TRPC4: variants seen among roughly 807,000 people sequenced by gnomAD.
TRPC4 encodes transient receptor potential cation channel subfamily C member 4, also known as short transient receptor potential channel 4.
A neutral mutation model predicts 99.4 loss-of-function variants in TRPC4; 49 were observed. The observed-to-expected ratio is 0.49, with a 90% confidence interval of 0.39 to 0.63. The LOEUF (loss-of-function observed/expected upper bound fraction) is 0.63. Ranked by LOEUF, TRPC4 falls within the 20% of genes least tolerant of loss-of-function variation. The pLI, the probability that TRPC4 is intolerant of heterozygous loss-of-function variation, is 0.00. For missense variants in TRPC4, 898 were observed against 1,152.9 expected (o/e 0.78, Z 3.20); for synonymous variants, 454 against 425.9 (o/e 1.07, Z -0.81).
At chr13:37,770,827 C>T (rs17056616) in intron 2 of TRPC4, among the ~76,000 whole-genome samples, 15,166 of 151,550 alleles carry the variant, frequency 0.1, 1,111 homozygotes, top group African/African-American at 0.21. Context: ...AAGCGTGTAT[C>T]GTATTCTGCA....
intron 3 of TRPC4, among the ~76,000 whole-genome samples, chr13:37,713,668 G>C (rs1954561971): frequency 6.6e-6 from 1 of 152,134 alleles, no homozygotes; most frequent in Non-Finnish European, 1.5e-5. Flanking sequence ...ATAGTGATCT[G>C]AACATACATA....
At chr13:37,646,750 G>T (rs1220028875) in intron 8 of TRPC4, among the ~76,000 whole-genome samples, 1 of 152,146 alleles carries the variant, frequency 6.6e-6, no homozygotes, top group Non-Finnish European at 1.5e-5. Flanking sequence ...TGATAAGAAG[G>T]GTATTTGCTG....
intron 3 of TRPC4, among the ~76,000 whole-genome samples, chr13:37,731,219 C>T (rs957771182): frequency 1.3e-5 from 2 of 151,814 alleles, no homozygotes; most frequent in Non-Finnish European, 2.9e-5. Flanking sequence ...TAATTTTATC[C>T]CCAATCTCCT....
At chr13:37,865,603 A>T (rs1159647563) in intron 1 of TRPC4, among the ~76,000 whole-genome samples, 1 of 151,756 alleles carries the variant, frequency 6.6e-6, no homozygotes, top group African/African-American at 2.4e-5. Flanking sequence ...TATCCCCATG[A>T]TGGGGACAGT....
intron 4 of TRPC4, among the ~76,000 whole-genome samples, chr13:37,680,948 C>A (rs1284320196): frequency 6.6e-6 from 1 of 152,102 alleles, no homozygotes; most frequent in Non-Finnish European, 1.5e-5. Context: ...GACAGATAAA[C>A]TTTATTATCT....
At chr13:37,858,145 A>G (rs1422099087) in intron 1 of TRPC4, among the ~76,000 whole-genome samples, 1 of 151,630 alleles carries the variant, frequency 6.6e-6, no homozygotes, top group Non-Finnish European at 1.5e-5. Context: ...ATACAAATGG[A>G]AAATAGGCAC....
chr13:37,747,950 C>A (rs1955831336), intron 2 of TRPC4, among the ~76,000 whole-genome samples: 1 of 152,108 alleles, frequency 6.6e-6, no homozygotes, highest in Admixed American at 6.5e-5. Context: ...AATCTCGTGT[C>A]AGTAAATCTG....
At chr13:37,647,553 G>C (rs959416368) in intron 8 of TRPC4, among the ~76,000 whole-genome samples, 2 of 152,206 alleles carry the variant, frequency 1.3e-5, no homozygotes, top group African/African-American at 2.4e-5. Flanking sequence ...AAAGCAGTTT[G>C]AACTGGGAAA....
intron 3 of TRPC4, among the ~76,000 whole-genome samples, chr13:37,712,448 T>C (rs924429990): frequency 6.6e-6 from 1 of 152,208 alleles, no homozygotes; most frequent in African/African-American, 2.4e-5. Context: ...GCCTAGGCAA[T>C]GATACCTAGT....
At chr13:37,718,186 G>A (rs1954744465) in intron 3 of TRPC4, among the ~76,000 whole-genome samples, 2 of 152,066 alleles carry the variant, frequency 1.3e-5, no homozygotes, top group African/African-American at 4.8e-5. Flanking sequence ...CCTGAGCCAT[G>A]CATACGTAGG....
chr13:37,704,571 G>T (rs1471635727), intron 3 of TRPC4, among the ~76,000 whole-genome samples: 1 of 152,042 alleles, frequency 6.6e-6, no homozygotes, highest in Non-Finnish European at 1.5e-5. Context: ...AGGAGGCAGA[G>T]GTTGCAGTGA....
intron 4 of TRPC4, among the ~76,000 whole-genome samples, chr13:37,682,205 G>T (rs371956310): frequency 6.6e-5 from 10 of 152,258 alleles, no homozygotes; most frequent in African/African-American, 2.2e-4. Context: ...ACCTCCAGGG[G>T]TCTCTTATTT....
intron 3 of TRPC4, among the ~76,000 whole-genome samples, chr13:37,704,591 G>A (rs1458703514): frequency 5.3e-5 from 8 of 151,968 alleles, no homozygotes; most frequent in East Asian, 1.9e-4. Flanking sequence ...AGGTGAGATC[G>A]TGCCACTGCC....
At chr13:37,678,268 T>A (rs2138791099) in intron 4 of TRPC4, among the ~76,000 whole-genome samples, 1 of 151,552 alleles carries the variant, frequency 6.6e-6, no homozygotes, top group African/African-American at 2.4e-5. Context: ...ATAACAAAGG[T>A]AACAAAAATC....
intron 3 of TRPC4, among the ~76,000 whole-genome samples, chr13:37,724,557 T>G (rs17056531): frequency 0.019 from 2,911 of 152,236 alleles, 35 homozygotes; most frequent in South Asian, 0.075. Flanking sequence ...GGAAGAAGGA[T>G]TAGCAAATAT....
chr13:37,644,830 G>C (rs542030100), intron 8 of TRPC4, among the ~76,000 whole-genome samples: 27 of 124,972 alleles, frequency 2.2e-4, no homozygotes, highest in African/African-American at 8.3e-4. Context: ...TGCAGATCGC[G>C]CCACTGCACT....
intron 2 of TRPC4, among the ~76,000 whole-genome samples, chr13:37,769,233 T>G (rs1956477580): frequency 6.6e-6 from 1 of 151,474 alleles, no homozygotes; most frequent in South Asian, 2.1e-4. Context: ...TATACATATA[T>G]TTTTGAAAGC....
intron 3 of TRPC4, among the ~76,000 whole-genome samples, chr13:37,697,823 C>A (rs930669049): frequency 2.0e-5 from 3 of 152,090 alleles, no homozygotes; most frequent in Non-Finnish European, 4.4e-5. Context: ...TGATGTCTAA[C>A]GAAATTACCT....
chr13:37,775,492 C>T (rs910156608), intron 2 of TRPC4, among the ~76,000 whole-genome samples: 2 of 151,138 alleles, frequency 1.3e-5, no homozygotes, highest in Admixed American at 6.6e-5. Context: ...TGGTTTGCTA[C>T]ACAGATCACC....
Sources: allele counts gnomAD v4.1 joint callset (sites outside exome capture counted in the v4.1 genomes callset), GRCh38; gene constraint gnomAD v4.1.1; transcripts MANE v1.5; gene names NCBI Gene and HGNC (gene_info 2026-07-23, HGNC 2026-07-21).